The following SHROOM2 variants were observed in gnomAD, a reference collection of about 807,000 sequenced individuals.
SHROOM2 encodes the protein protein Shroom2.
A neutral mutation model predicts 75.9 loss-of-function variants in SHROOM2; 33 were observed. The ratio of observed to expected loss-of-function variants is 0.43; its 90% confidence interval spans 0.33 to 0.58. SHROOM2 has a LOEUF of 0.58. SHROOM2 is among the 20% of genes least tolerant of loss of function. The pLI is 0.04. For synonymous variants in SHROOM2, 655 were observed against 663.6 expected (o/e 0.99, Z 0.20); for missense variants, 1,434 against 1,461.2 (o/e 0.98, Z 0.30).
intron 8 of SHROOM2, among the ~76,000 whole-genome samples, chrX:9,941,721 C>T (rs1282621133): frequency 9.1e-6 from 1 of 110,412 alleles, no homozygotes; most frequent in Non-Finnish European, 1.9e-5. Flanking sequence ...CTTGTAATCC[C>T]AGCACTTTCG....
In SHROOM2 at chrX:9,896,148, G is replaced by T. The variant is rs766352773; in HGVS notation, c.2240G>T (p.Arg747Leu). Reference sequence around the variant, plus strand: ...ACAAGTGGCGGGCCCCACCCGCCCCGCATCGGAGGCCGGAGACGGTTCACA... The same window carrying T: ...ACAAGTGGCGGGCCCCACCCGCCCCTCATCGGAGGCCGGAGACGGTTCACA... ...SSTSGGPHPPRIGGRRRFTAE... is the reference protein window; with the variant it reads ...SSTSGGPHPPLIGGRRRFTAE... Residue 747 changes from arginine (R) to leucine (L), a missense_variant, in exon 4 of 10, where the codon CGC becomes CTC. Arg to Leu is a moderately radical substitution (Grantham distance 102). Coordinates refer to ENST00000380913, the MANE Select transcript of SHROOM2 (RefSeq NM_001649.4). The T allele has an allele frequency of 8.3e-7, 1 of 1,207,708 alleles. No homozygotes were observed. The highest frequency in any genetic ancestry group is 1.1e-6 in the Non-Finnish European group (1 of 893,713).
intron 5 of SHROOM2, among the ~76,000 whole-genome samples, chrX:9,919,355 T>C (rs1295762038): frequency 1.1e-4 from 8 of 71,748 alleles, no homozygotes; most frequent in Non-Finnish European, 1.9e-4. Context: ...TTTTTTGAGA[T>C]GAAGTCTTGC....
intron 5 of SHROOM2, among the ~76,000 whole-genome samples, chrX:9,917,497 G>A (rs1479322487): frequency 6.3e-5 from 6 of 95,585 alleles, no homozygotes; most frequent in Non-Finnish European, 1.2e-4. Flanking sequence ...TTAATATTGT[G>A]GTTCTTTGTT....
chrX:9,899,063 G>A (rs1601977375), intron 5 of SHROOM2, among the ~76,000 whole-genome samples: 1 of 109,148 alleles, frequency 9.2e-6, no homozygotes, highest in South Asian at 4.0e-4. Flanking sequence ...GGGCAACATG[G>A]TGAGATCCCA....
chrX:9,837,766 C>T (rs6640523), intron 1 of SHROOM2, among the ~76,000 whole-genome samples: 59,196 of 110,396 alleles, frequency 0.54, 12,554 homozygotes, highest in Non-Finnish European at 0.69. Flanking sequence ...CTGGGTGGGT[C>T]TCCTTCACCC....
intron 5 of SHROOM2, among the ~76,000 whole-genome samples, chrX:9,914,956 G>C (rs191770912): frequency 1.8e-5 from 2 of 111,428 alleles, no homozygotes; most frequent in Admixed American, 1.9e-4. Flanking sequence ...CCAGTGCAGT[G>C]AGAAGGAATT....
At chrX:9,878,765 A>T (rs1402237273) in intron 2 of SHROOM2, among the ~76,000 whole-genome samples, 1 of 98,659 alleles carries the variant, frequency 1.0e-5, no homozygotes, top group Admixed American at 1.1e-4. Flanking sequence ...CTCCAGAACT[A>T]CTCCTGAGGC....
intron 1 of SHROOM2, among the ~76,000 whole-genome samples, chrX:9,807,364 A>C (rs1217445802): frequency 8.9e-6 from 1 of 112,156 alleles, no homozygotes; most frequent in Non-Finnish European, 1.9e-5. Flanking sequence ...CAAATGTCAG[A>C]GTGTCCCCAG....
chrX:9,939,457 C>A, intron 8 of SHROOM2, 91 bp downstream of exon 8: 1 of 803,653 alleles, frequency 1.2e-6, no homozygotes, highest in Non-Finnish European at 1.8e-6. Flanking sequence ...GCAGACCCTG[C>A]ACCACGTGTC....
intron 5 of SHROOM2, among the ~76,000 whole-genome samples, chrX:9,923,947 G>C (rs1272228126): frequency 8.9e-6 from 1 of 112,262 alleles, no homozygotes; most frequent in African/African-American, 3.2e-5. Context: ...TGCCATCCAA[G>C]TCCCTGCAAG....
At chrX:9,867,071 T>G (rs2084143729) in intron 1 of SHROOM2, among the ~76,000 whole-genome samples, 1 of 111,346 alleles carries the variant, frequency 9.0e-6, no homozygotes, top group Non-Finnish European at 1.9e-5. Context: ...GCCCTTGCCC[T>G]TATGGGACTT....
intron 1 of SHROOM2, among the ~76,000 whole-genome samples, chrX:9,835,448 A>C (rs765602826): frequency 1.8e-5 from 2 of 112,402 alleles, no homozygotes; most frequent in South Asian, 3.7e-4. Context: ...ATGGGGAGAA[A>C]CCATGTGGCT....
At chrX:9,792,206 T>G (rs958471919) in intron 1 of SHROOM2, among the ~76,000 whole-genome samples, 1 of 110,559 alleles carries the variant, frequency 9.0e-6, no homozygotes, top group Non-Finnish European at 1.9e-5. Flanking sequence ...GAGGAATTGT[T>G]GTCCTTTACC....
intron 9 of SHROOM2, 116 bp from the exon 10 acceptor site, chrX:9,946,555 C>T (rs761671647): frequency 2.1e-5 from 14 of 657,220 alleles, no homozygotes; most frequent in African/African-American, 4.4e-5. Flanking sequence ...CTGGTGGCAT[C>T]AGGGTTTCCA....
At chrX:9,918,125 A>G (rs1489195373) in intron 5 of SHROOM2, among the ~76,000 whole-genome samples, 2 of 112,190 alleles carry the variant, frequency 1.8e-5, no homozygotes, top group Admixed American at 9.4e-5. Flanking sequence ...GTCTCTGTGA[A>G]CAGGTCTTCA....
At chrX:9,848,524 A>G (rs1240465023) in intron 1 of SHROOM2, among the ~76,000 whole-genome samples, 1 of 101,118 alleles carries the variant, frequency 9.9e-6, no homozygotes, top group African/African-American at 3.5e-5. Flanking sequence ...AAAAAAAAAA[A>G]AAAAAAAGAA....
chrX:9,832,509 T>C (rs1230475840), intron 1 of SHROOM2, among the ~76,000 whole-genome samples: 1 of 111,908 alleles, frequency 8.9e-6, no homozygotes, highest in African/African-American at 3.2e-5. Context: ...GTAGAATGCA[T>C]GTGACCATGT....
intron 1 of SHROOM2, among the ~76,000 whole-genome samples, chrX:9,795,213 C>T (rs1250733044): frequency 9.1e-6 from 1 of 110,249 alleles, no homozygotes; most frequent in Non-Finnish European, 1.9e-5. Flanking sequence ...CAGCCTTGAA[C>T]TCCTGTGCTT....
chrX:9,866,486 C>T (rs1289614167), intron 1 of SHROOM2, among the ~76,000 whole-genome samples: 3 of 110,413 alleles, frequency 2.7e-5, no homozygotes, highest in African/African-American at 9.9e-5. Context: ...TTTCCAAATC[C>T]CTCAAGCTGA....
Sources: gnomAD v4.1 joint callset for allele counts (sites outside exome capture counted in the v4.1 genomes callset) on GRCh38, gnomAD v4.1.1 for gene constraint, MANE v1.5 for transcripts, NCBI Gene and HGNC (gene_info 2026-07-23, HGNC 2026-07-21) for gene names.